Variants in CHSY3 observed in about 807,000 individuals in gnomAD.
CHSY3 encodes N-acetylgalactosaminyl-proteoglycan 3-beta-glucuronosyltransferase 3.
In CHSY3, 35 loss-of-function variants were observed where a neutral mutation model predicts 67.2. The ratio of observed to expected loss-of-function variants is 0.52; its 90% CI spans 0.40 to 0.69. The LOEUF (loss-of-function observed/expected upper bound fraction) is 0.69, where lower values mean the gene tolerates loss of function less well. Among genes scored for constraint, CHSY3 ranks in the 30% least tolerant of loss-of-function variants. The probability of loss-of-function intolerance (pLI) is 0.00; values close to 1 mark genes in which losing one functional copy is unlikely to be tolerated. For missense variants in CHSY3, 1,069 were observed against 1,138.5 expected (o/e 0.94, Z 0.88); for synonymous variants, 474 against 434.7 (o/e 1.09, Z -1.12).
At chr5:129,962,734 G>A (rs1340760206) in intron 2 of CHSY3, among the ~76,000 whole-genome samples, 1 of 151,986 alleles carries the variant, frequency 6.6e-6, no homozygotes, top group African/African-American at 2.4e-5. Flanking sequence ...GTGACATCAA[G>A]TCTCTGGACT....
chr5:129,972,868 T>C (rs1162803732), intron 2 of CHSY3, among the ~76,000 whole-genome samples: 1 of 152,104 alleles, frequency 6.6e-6, no homozygotes, highest in African/African-American at 2.4e-5. Flanking sequence ...TTCTCATGGC[T>C]GTCTTCTCTG....
At position 130,184,919 on chromosome 5, in the gene CHSY3, T is replaced by A; in HGVS notation, c.1777T>A (p.Ser593Thr). Residue 593 changes from serine (S) to threonine (T), a missense_variant, in exon 3 of 3, where the codon TCA (serine) becomes ACA (threonine). By Grantham distance (58) the Ser-to-Thr change is moderately conservative. Transcript: ENST00000305031. ...LVESINSETQSFSFISNSLKI... is the reference protein window; with the variant it reads ...LVESINSETQTFSFISNSLKI... ...GGAGAGTATTAACAGTGAAACTCAG[T>A]CATTCTCCTTTATATCTAATTCTTT... 1.3e-6 allele frequency: 2 copies of A among 1,546,394 alleles called. No individual in the cohort carries two copies. The highest frequency in any genetic ancestry group is 1.8e-6 in the Non-Finnish European group (2 of 1,118,482).
chr5:130,048,692 C>T (rs1484127855), intron 2 of CHSY3, among the ~76,000 whole-genome samples: 2 of 151,912 alleles, frequency 1.3e-5, no homozygotes, highest in African/African-American at 4.8e-5. Flanking sequence ...TATATTTTTT[C>T]TTTTTCTTAT....
chr5:130,020,374 C>G (rs965479362), intron 2 of CHSY3, among the ~76,000 whole-genome samples: 1 of 146,264 alleles, frequency 6.8e-6, no homozygotes, highest in East Asian at 2.0e-4. Flanking sequence ...GAGCTGAGAT[C>G]GTGCCACTGC....
At chr5:130,116,253 G>A (rs1009845627) in intron 2 of CHSY3, among the ~76,000 whole-genome samples, 4 of 152,144 alleles carry the variant, frequency 2.6e-5, no homozygotes, top group Admixed American at 6.6e-5. Flanking sequence ...AATTATCTTA[G>A]AAGAGTTCAC....
chr5:130,156,207 A>C (rs1294593594), intron 2 of CHSY3, among the ~76,000 whole-genome samples: 1 of 152,138 alleles, frequency 6.6e-6, no homozygotes, highest in Non-Finnish European at 1.5e-5. Flanking sequence ...GTTACTGCTT[A>C]TTTCTAACTT....
At chr5:130,061,723 A>G (rs1765718764) in intron 2 of CHSY3, among the ~76,000 whole-genome samples, 1 of 152,046 alleles carries the variant, frequency 6.6e-6, no homozygotes, top group Non-Finnish European at 1.5e-5. Flanking sequence ...AGACAACCCC[A>G]CTGAAAGCTG....
At chr5:130,007,721 A>G (rs1005194417) in intron 2 of CHSY3, among the ~76,000 whole-genome samples, 3 of 152,108 alleles carry the variant, frequency 2.0e-5, no homozygotes, top group African/African-American at 7.2e-5. Context: ...GAGTATTGCC[A>G]GTTACACTCA....
intron 2 of CHSY3, among the ~76,000 whole-genome samples, chr5:129,987,686 A>G (rs1763245949): frequency 6.6e-6 from 1 of 152,170 alleles, no homozygotes; most frequent in Non-Finnish European, 1.5e-5. Context: ...TATTTCCATA[A>G]CTTGCTCATA....
At chr5:129,992,815 T>C (rs1163656584) in intron 2 of CHSY3, among the ~76,000 whole-genome samples, 2 of 152,220 alleles carry the variant, frequency 1.3e-5, no homozygotes, top group Non-Finnish European at 2.9e-5. Flanking sequence ...TGCTGGTCTG[T>C]TTGAGGCAAT....
At chr5:130,099,118 C>T (rs1488251403) in intron 2 of CHSY3, among the ~76,000 whole-genome samples, 3 of 152,210 alleles carry the variant, frequency 2.0e-5, no homozygotes, top group Admixed American at 2.0e-4. Flanking sequence ...CCCAGTGACT[C>T]ATGCAGCTGT....
chr5:129,976,954 G>A (rs1312621517), intron 2 of CHSY3, among the ~76,000 whole-genome samples: 2 of 150,650 alleles, frequency 1.3e-5, no homozygotes, highest in Non-Finnish European at 3.0e-5. Flanking sequence ...TGTATAAGAT[G>A]TTCATTTTTT....
At chr5:129,970,425 GATAGA>G (rs1762606402) in intron 2 of CHSY3, among the ~76,000 whole-genome samples, 1 of 151,304 alleles carries the variant, frequency 6.6e-6, no homozygotes, top group Non-Finnish European at 1.5e-5. Flanking sequence ...TAGATAGATA[GATAGA>G]TAGATAGATA....
chr5:129,974,274 C>G (rs1207344821), intron 2 of CHSY3, among the ~76,000 whole-genome samples: 3 of 152,096 alleles, frequency 2.0e-5, no homozygotes, highest in Non-Finnish European at 4.4e-5. Context: ...ATGTGCCAGT[C>G]TGGCTGTGCA....
intron 2 of CHSY3, among the ~76,000 whole-genome samples, chr5:130,099,183 C>T (rs972933154): frequency 3.3e-5 from 5 of 152,204 alleles, no homozygotes; most frequent in African/African-American, 4.8e-5. Flanking sequence ...TGAAGACTCT[C>T]TGCTAATGTT....
chr5:130,053,119 C>T (rs1401155649), intron 2 of CHSY3, among the ~76,000 whole-genome samples: 1 of 151,980 alleles, frequency 6.6e-6, no homozygotes, highest in African/African-American at 2.4e-5. Context: ...CAAATAGGAA[C>T]ACTTCTAAAT....
At chr5:130,178,215 ATATATT>A (rs1351845024) in intron 2 of CHSY3, among the ~76,000 whole-genome samples, 68 of 104,758 alleles carry the variant, frequency 6.5e-4, no homozygotes, top group African/African-American at 2.2e-3. Context: ...ATATATATGT[ATATATT>A]TATATTTATA....
intron 2 of CHSY3, among the ~76,000 whole-genome samples, chr5:130,162,273 T>C (rs117349481): frequency 1.3e-5 from 2 of 152,216 alleles, no homozygotes; most frequent in East Asian, 1.9e-4. Context: ...TAATGTATGA[T>C]ATATAAATAT....
At chr5:129,996,855 T>C (rs962371517) in intron 2 of CHSY3, among the ~76,000 whole-genome samples, 1 of 152,154 alleles carries the variant, frequency 6.6e-6, no homozygotes, top group Non-Finnish European at 1.5e-5. Flanking sequence ...TTCTTGCTAA[T>C]TGTGTATCTT....
Sources: gnomAD v4.1 joint callset for allele counts (sites outside exome capture counted in the v4.1 genomes callset) on GRCh38, gnomAD v4.1.1 for gene constraint, MANE v1.5 for transcripts, NCBI Gene and HGNC (gene_info 2026-07-23, HGNC 2026-07-21) for gene names.